Variants in FAM98A observed in about 807,000 individuals in gnomAD.
FAM98A encodes tRNA splicing ligase complex subunit 3A, also known as protein FAM98A.
FAM98A carries 25 observed loss-of-function variants against 62.9 expected under a neutral mutation model. That is an observed-to-expected ratio of 0.40 (90% CI 0.29 to 0.56). The LOEUF (loss-of-function observed/expected upper bound fraction) is 0.56. Ranked by LOEUF, FAM98A falls within the 20% of genes least tolerant of loss-of-function variation. The pLI is 0.51. For synonymous variants in FAM98A, 252 were observed against 228.6 expected, an observed-to-expected ratio of 1.10 and a Z score of -0.92; for missense variants, 653 against 640.7, an observed-to-expected ratio of 1.02 and a Z score of -0.21.
At chr2:33,590,004 G>T (rs573691710) in intron 3 of FAM98A, among the ~76,000 whole-genome samples, 1 of 152,064 alleles carries the variant, frequency 6.6e-6, no homozygotes, top group African/African-American at 2.4e-5. Flanking sequence ...CACAAAATTA[G>T]GTTACCAATA....
chr2:33,593,186 T>C (rs1194226632), intron 2 of FAM98A, among the ~76,000 whole-genome samples: 1 of 152,134 alleles, frequency 6.6e-6, no homozygotes, highest in East Asian at 1.9e-4. Context: ...AGTGGATGGT[T>C]TGAGTTCAGG....
At chr2:33,598,253 AG>A (rs759243997) in intron 1 of FAM98A, among the ~76,000 whole-genome samples, 7 of 152,226 alleles carry the variant, frequency 4.6e-5, no homozygotes, top group Non-Finnish European at 1.0e-4. Context: ...ATTTTGATAA[AG>A]AACTTGTTAC....
Position 33,585,324 on chromosome 2 carries a change from C to T in FAM98A, c.1009G>A (p.Gly337Arg). Residue 337 changes from glycine (G) to arginine (R), a missense_variant, in exon 8 of 8, where the codon GGA becomes AGA. Coordinates refer to ENST00000238823, the MANE Select transcript of FAM98A (RefSeq NM_015475.5). Reference sequence around the variant, plus strand: ...TGTTCATAGCCACCTCTCCCTCCTCCTCGGCCTCCTGTTTGCTGCTGGGGG... The same window carrying T: ...TGTTCATAGCCACCTCTCCCTCCTCTTCGGCCTCCTGTTTGCTGCTGGGGG... ...DGPQQQTGGR[G>R]GGRGGYEHSS... The T allele has an allele frequency of 1.2e-6, 2 of 1,614,174 alleles. No homozygotes were observed. Among genetic ancestry groups the T allele is most frequent in the Non-Finnish European group, 1.7e-6 (2 of 1,180,032 alleles).
intron 1 of FAM98A, 56 bp downstream of exon 1, chr2:33,599,113 G>C: frequency 6.8e-7 from 1 of 1,464,156 alleles, no homozygotes; most frequent in Non-Finnish European, 9.6e-7. Context: ...CGCAGGAGGT[G>C]TTCCCAGGGG....
chr2:33,590,578 G>T (rs1016588600), intron 3 of FAM98A, among the ~76,000 whole-genome samples: 11 of 152,144 alleles, frequency 7.2e-5, no homozygotes, highest in Non-Finnish European at 1.6e-4. Flanking sequence ...GATAAAGAGG[G>T]AAACAGTGTG....
chr2:33,592,255 AT>A, intron 2 of FAM98A, 41 bp from the exon 3 acceptor site: 1 of 1,458,996 alleles, frequency 6.9e-7, no homozygotes, highest in South Asian at 1.2e-5. Flanking sequence ...GATAGTGATT[AT>A]TTTTCCATTA....
At chr2:33,595,037 A>G (rs190579900) in intron 2 of FAM98A, among the ~76,000 whole-genome samples, 2 of 152,328 alleles carry the variant, frequency 1.3e-5, no homozygotes, top group Non-Finnish European at 2.9e-5. Flanking sequence ...ATGATAAACA[A>G]AATGTCTTAA....
In FAM98A at chr2:33,599,198, A is replaced by C; in HGVS notation, c.24T>G (p.Thr8=). 1 of 1,614,022 alleles carries C rather than the reference A, an allele frequency of 6.2e-7. No homozygotes were observed. The highest frequency in any genetic ancestry group is 2.2e-5 in the East Asian group (1 of 44,860). The change falls in exon 1 of 8, where the codon ACT becomes ACG. Residue 8 remains threonine (T), a synonymous_variant. Coordinates refer to ENST00000238823, the MANE Select transcript of FAM98A (RefSeq NM_015475.5). MECDLME[T]DILESLEDLG... ...GATCTTCCAACGACTCCAAGATGTC[A>C]GTCTCCATGAGGTCACACTCCATGC...
At chr2:33,594,887 G>A (rs909618973) in intron 2 of FAM98A, among the ~76,000 whole-genome samples, 3 of 152,102 alleles carry the variant, frequency 2.0e-5, no homozygotes, top group Non-Finnish European at 2.9e-5. Context: ...AGAGTGGTAG[G>A]TTCCAAGCTT....
intron 1 of FAM98A, among the ~76,000 whole-genome samples, chr2:33,598,434 T>A (rs1469356143): frequency 1.3e-5 from 2 of 152,266 alleles, no homozygotes; most frequent in East Asian, 3.9e-4. Context: ...CAAACCCTAT[T>A]TCCAGCTTCT....
At chr2:33,594,706 TAC>T (rs369915585) in intron 2 of FAM98A, among the ~76,000 whole-genome samples, 528 of 13,336 alleles carry the variant, frequency 0.04, 44 homozygotes, top group Non-Finnish European at 0.061. Flanking sequence ...CATATATATA[TAC>T]ACACACACAC....
intron 2 of FAM98A, among the ~76,000 whole-genome samples, chr2:33,592,958 C>G (rs1677707250): frequency 6.6e-6 from 1 of 152,130 alleles, no homozygotes. Context: ...CAGATATGTC[C>G]TCTACTCTCT....
chr2:33,587,170 T>A, intron 5 of FAM98A, 70 bp downstream of exon 5: 1 of 941,708 alleles, frequency 1.1e-6, no homozygotes, highest in East Asian at 2.4e-5. Flanking sequence ...GCACAAAATG[T>A]AAGTGTTGAC....
At position 33,599,118 on chromosome 2, in the gene FAM98A, C is replaced by T. The variant is rs1677893993; in HGVS notation, c.53+51G>A. On this transcript the variant is annotated intron_variant, in intron 1 of 7. Transcript: ENST00000238823. ...CAGACTGGGGCGCAGGAGGTGTTCCCAGGGGGCCGGCAGCGTGGGGCTTGG... is the reference window on the plus strand; with the variant it reads ...CAGACTGGGGCGCAGGAGGTGTTCCTAGGGGGCCGGCAGCGTGGGGCTTGG... The T allele has an allele frequency of 2.6e-6, 4 of 1,516,766 alleles. No individual in the cohort carries two copies. In the African/African-American group the frequency reaches 4.1e-5, roughly 16 times the overall value. The allele number at this position is 1,516,766 out of a possible 1,614,324, so 94.0% of individuals were successfully genotyped here.
rs1217456882 is a variant in FAM98A at position 33,583,778 on chromosome 2, G to A, written c.*998C>T. ...AACCCAGCAAGAAGCATCATGTCAT[G>A]TAGATTTCAGTAAGGGAGAATGTAA... On this transcript the variant is annotated 3_prime_UTR_variant, in exon 8 of 8. Transcript: ENST00000238823. 1 of 152,660 alleles carries A rather than the reference G, an allele frequency of 6.6e-6. No individual in the cohort carries two copies. Among genetic ancestry groups the A allele is most frequent in the Non-Finnish European group, 1.5e-5 (1 of 68,042 alleles). The allele number at this position is 152,660 out of a possible 1,614,324, so 9.5% of individuals were successfully genotyped here.
intron 1 of FAM98A, among the ~76,000 whole-genome samples, chr2:33,598,692 T>C (rs901572682): frequency 1.3e-5 from 2 of 152,010 alleles, no homozygotes; most frequent in African/African-American, 4.8e-5. Context: ...CCTGGGTGCA[T>C]GCAGAGATGA....
intron 1 of FAM98A, among the ~76,000 whole-genome samples, chr2:33,596,536 C>T (rs528534491): frequency 6.8e-4 from 103 of 152,284 alleles, no homozygotes; most frequent in South Asian, 2.9e-3. Context: ...GATTGCTTTA[C>T]ATTCTCTTAA....
At chr2:33,593,169 C>T (rs181131996) in intron 2 of FAM98A, among the ~76,000 whole-genome samples, 76 of 152,222 alleles carry the variant, frequency 5.0e-4, no homozygotes, top group African/African-American at 1.8e-3. Flanking sequence ...TTTGGAAGGC[C>T]GAGACGAGTG....
In FAM98A at chr2:33,599,150, C is replaced by A. The variant is rs1336120519; in HGVS notation, c.53+19G>T. ...CCGGCAGCGTGGGGCTTGGGAGACC[C>A]GTGCCCTGACAATCTTACCCTAGAT... On this transcript the variant is annotated intron_variant, in intron 1 of 7. Coordinates refer to ENST00000238823, the MANE Select transcript of FAM98A (RefSeq NM_015475.5). The A allele has an allele frequency of 6.2e-7, 1 of 1,610,290 alleles. No individual in the cohort carries two copies. Among genetic ancestry groups the A allele is most frequent in the Non-Finnish European group, 8.5e-7 (1 of 1,176,582 alleles).
Sources: gnomAD v4.1 joint callset for allele counts (sites outside exome capture counted in the v4.1 genomes callset) on GRCh38, gnomAD v4.1.1 for gene constraint, MANE v1.5 for transcripts, NCBI Gene and HGNC (gene_info 2026-07-23, HGNC 2026-07-21) for gene names.